The following LRMDA variants were observed in gnomAD, a reference collection of about 807,000 sequenced individuals.
LRMDA encodes leucine-rich melanocyte differentiation-associated protein.
In LRMDA, 18 loss-of-function variants were observed where a neutral mutation model predicts 29.8. The observed-to-expected ratio is 0.60, with a 90% CI of 0.42 to 0.90. LRMDA has a LOEUF of 0.90. Ranked by LOEUF, LRMDA falls within the 40% of genes least tolerant of loss-of-function variation. LRMDA has a pLI of 0.00. For missense variants in LRMDA, 273 were observed against 273.9 expected (o/e 1.00, Z 0.02); for synonymous variants, 125 against 109.4 (o/e 1.14, Z -0.89).
intron 2 of LRMDA, among the ~76,000 whole-genome samples, chr10:75,785,105 C>A (rs1843449877): frequency 6.6e-6 from 1 of 152,176 alleles, no homozygotes; most frequent in Admixed American, 6.5e-5. Context: ...GCGTGGATTC[C>A]TGGAGATTAT....
intron 2 of LRMDA, among the ~76,000 whole-genome samples, chr10:75,919,233 A>G (rs1845987528): frequency 6.6e-6 from 1 of 152,162 alleles, no homozygotes; most frequent in African/African-American, 2.4e-5. Context: ...TATGGCCTGT[A>G]TGATGCTAAT....
intron 2 of LRMDA, among the ~76,000 whole-genome samples, chr10:75,676,806 C>T (rs1841965234): frequency 6.6e-6 from 1 of 152,072 alleles, no homozygotes; most frequent in Non-Finnish European, 1.5e-5. Context: ...AGATACCTGA[C>T]CAATGTATCT....
intron 5 of LRMDA, among the ~76,000 whole-genome samples, chr10:76,155,714 T>C (rs1850524808): frequency 6.6e-6 from 1 of 152,114 alleles, no homozygotes; most frequent in African/African-American, 2.4e-5. Flanking sequence ...GTTGATATTG[T>C]TTAAGCGCCT....
chr10:75,902,924 A>G (rs1845699689), intron 2 of LRMDA, among the ~76,000 whole-genome samples: 1 of 152,106 alleles, frequency 6.6e-6, no homozygotes, highest in South Asian at 2.1e-4. Context: ...GGCCAGAGAA[A>G]TGTCCCCACT....
At chr10:75,763,523 A>G (rs1337708585) in intron 2 of LRMDA, among the ~76,000 whole-genome samples, 1 of 152,218 alleles carries the variant, frequency 6.6e-6, no homozygotes, top group Non-Finnish European at 1.5e-5. Flanking sequence ...GGAGTTATAC[A>G]CAGTAGACAA....
Position 75,659,509 on chromosome 10 carries a change from C to A in LRMDA, c.131+221015C>A, listed in dbSNP as rs562722503. ...TGCCATTTGCGACAACACAGATGAA[C>A]CTGGAGGACATTATACCAAGTAAAA... On this transcript the variant is annotated intron_variant, in intron 2 of 6. Transcript: ENST00000611255. 3.9e-5 allele frequency among the ~76,000 whole-genome samples: 6 copies of A among 152,230 alleles called. No individual in the cohort carries two copies. The East Asian group carries it at 1.2e-3, about 29-fold the overall frequency.
intron 2 of LRMDA, among the ~76,000 whole-genome samples, chr10:75,641,165 A>G (rs1262561225): frequency 6.6e-6 from 1 of 152,198 alleles, no homozygotes; most frequent in Non-Finnish European, 1.5e-5. Context: ...ACTAAGATTG[A>G]AAGAGATGAA....
chr10:75,912,520 C>T (rs182293589), intron 2 of LRMDA, among the ~76,000 whole-genome samples: 174 of 152,150 alleles, frequency 1.1e-3, no homozygotes, highest in African/African-American at 4.1e-3. Context: ...ACAGCTTCTG[C>T]AAAGACCTGG....
intron 2 of LRMDA, among the ~76,000 whole-genome samples, chr10:75,897,529 G>A (rs774197528): frequency 2.6e-4 from 40 of 152,252 alleles, no homozygotes; most frequent in Admixed American, 4.6e-4. Flanking sequence ...TACCTCTACC[G>A]AACCTTAGAT....
intron 5 of LRMDA, among the ~76,000 whole-genome samples, chr10:76,317,572 A>G (rs1316905121): frequency 3.3e-5 from 5 of 152,072 alleles, no homozygotes; most frequent in African/African-American, 1.2e-4. Flanking sequence ...TGCTAGCAAA[A>G]ATTTATTGAT....
chr10:76,037,174 G>A (rs1848263269), intron 3 of LRMDA, among the ~76,000 whole-genome samples: 1 of 152,218 alleles, frequency 6.6e-6, no homozygotes, highest in African/African-American at 2.4e-5. Context: ...CTAGCAAGAT[G>A]CTAGGTCCTG....
At chr10:76,377,143 C>G (rs1028470668) in intron 6 of LRMDA, among the ~76,000 whole-genome samples, 1 of 152,074 alleles carries the variant, frequency 6.6e-6, no homozygotes, top group Middle Eastern at 3.4e-3. Context: ...CCTCGGCCTC[C>G]CAAAGTGCTG....
At chr10:75,471,236 G>A (rs1379609734) in intron 2 of LRMDA, among the ~76,000 whole-genome samples, 1 of 151,934 alleles carries the variant, frequency 6.6e-6, no homozygotes, top group Non-Finnish European at 1.5e-5. Context: ...TGTGAGTGGG[G>A]TGTGGTTCTG....
chr10:76,501,645 G>T (rs1279336472), intron 6 of LRMDA, among the ~76,000 whole-genome samples: 3 of 150,982 alleles, frequency 2.0e-5, no homozygotes, highest in Admixed American at 2.0e-4. Flanking sequence ...TTTCATGTTT[G>T]TTGTATGTTT....
chr10:75,922,170 T>C (rs936460045), intron 2 of LRMDA, among the ~76,000 whole-genome samples: 1 of 152,236 alleles, frequency 6.6e-6, no homozygotes, highest in African/African-American at 2.4e-5. Flanking sequence ...CCATGCTCCA[T>C]CAAGAAGACC....
intron 2 of LRMDA, among the ~76,000 whole-genome samples, chr10:75,490,491 A>G (rs1844973328): frequency 6.6e-6 from 1 of 152,196 alleles, no homozygotes; most frequent in South Asian, 2.1e-4. Flanking sequence ...GGGTCAAGGA[A>G]TAGAAACTCA....
rs143024779 is a variant in LRMDA at position 76,031,031 on chromosome 10, A to G, written c.132-4977A>G. Among the ~76,000 whole-genome samples the G allele has an allele frequency of 1.5e-3, 231 of 152,290 alleles. No homozygotes were observed. In the Middle Eastern group the frequency reaches 0.02, roughly 13 times the overall value. On this transcript the variant is annotated intron_variant, in intron 2 of 6. Transcript: ENST00000611255. The stretch of plus-strand genomic sequence containing the variant: ...GTGGGGGGAGTATAGGAGAGGAACA[A>G]GTTACTATTTCTGCTCTCAAGGTAA...
At chr10:75,641,409 A>AATATAT (rs34386674) in intron 2 of LRMDA, among the ~76,000 whole-genome samples, 3 of 148,712 alleles carry the variant, frequency 2.0e-5, no homozygotes, top group Non-Finnish European at 4.5e-5. Context: ...GTTAATATAT[A>AATATAT]ATATATATAT....
chr10:76,263,788 T>G (rs906237515), intron 5 of LRMDA, among the ~76,000 whole-genome samples: 2 of 152,202 alleles, frequency 1.3e-5, no homozygotes, highest in African/African-American at 4.8e-5. Flanking sequence ...TAGGTGACCC[T>G]GAGAGGGATA....
Sources: allele counts gnomAD v4.1 joint callset (sites outside exome capture counted in the v4.1 genomes callset), GRCh38; gene constraint gnomAD v4.1.1; transcripts MANE v1.5; gene names NCBI Gene and HGNC (gene_info 2026-07-23, HGNC 2026-07-21).